ALDH1L1: variants seen among roughly 807,000 people sequenced by gnomAD.
The protein encoded by ALDH1L1 is cytosolic 10-formyltetrahydrofolate dehydrogenase.
In ALDH1L1, 68 loss-of-function variants were observed where a neutral mutation model predicts 101.1. The observed-to-expected ratio is 0.67, with a 90% confidence interval of 0.55 to 0.82. The LOEUF is 0.82. ALDH1L1 is among the 40% of genes least tolerant of loss of function. The pLI, the probability that ALDH1L1 is intolerant of heterozygous loss-of-function variation, is 0.00. For synonymous variants in ALDH1L1, 486 were observed against 470.8 expected (o/e 1.03, Z -0.42); for missense variants, 1,087 against 1,172.7 (o/e 0.93, Z 1.07).
intron 1 of ALDH1L1, among the ~76,000 whole-genome samples, chr3:126,196,586 A>G (rs542178290): frequency 3.3e-5 from 5 of 152,332 alleles, no homozygotes; most frequent in Admixed American, 2.0e-4. Flanking sequence ...AACTTTACCA[A>G]TGGTAACCTT....
intron 20 of ALDH1L1, among the ~76,000 whole-genome samples, chr3:126,107,484 C>T (rs1042269513): frequency 2.0e-5 from 3 of 152,334 alleles, no homozygotes; most frequent in Non-Finnish European, 2.9e-5. Flanking sequence ...AATGGGGCCG[C>T]CGGTTGGCAG....
intron 10 of ALDH1L1, among the ~76,000 whole-genome samples, chr3:126,137,601 C>G (rs1009255517): frequency 9.9e-5 from 15 of 152,198 alleles, no homozygotes; most frequent in Non-Finnish European, 2.9e-5. Context: ...ATGTCCTGAG[C>G]ATCAGACAGC....
chr3:126,129,492 TG>T (rs2080254483), intron 14 of ALDH1L1: 1 of 152,436 alleles, frequency 6.6e-6, no homozygotes, highest in Non-Finnish European at 1.5e-5. Flanking sequence ...GACCCAGGGC[TG>T]GGGCTCTCTA....
intron 1 of ALDH1L1, 95 bp from the exon 2 acceptor site, chr3:126,161,097 G>T: frequency 2.1e-6 from 3 of 1,423,742 alleles, no homozygotes; most frequent in Non-Finnish European, 2.8e-6. Context: ...CACCTGGCCT[G>T]CTCTACCCCA....
chr3:126,155,544 C>A (rs771970581), intron 4 of ALDH1L1, 41 bp from the exon 5 acceptor site: 2 of 1,566,394 alleles, frequency 1.3e-6, no homozygotes, highest in South Asian at 1.2e-5. Flanking sequence ...GCAATAGGAC[C>A]CTGCCTCCTT....
rs572315882 is a variant in ALDH1L1, at chr3:126,103,934, G to T, written c.2654-88C>A. On this transcript the variant is annotated intron_variant, in intron 22 of 22. Coordinates refer to ENST00000393434, the MANE Select transcript of ALDH1L1 (RefSeq NM_012190.4). The stretch of plus-strand genomic sequence containing the variant: ...AAGTGTCTTATTCCTCAGCAACCAC[G>T]TGGGGGCAGCTCTGGCTCACCCCAC... The T allele has an allele frequency of 2.1e-6, 3 of 1,460,838 alleles. No homozygotes were observed. The African/African-American group carries it at 4.2e-5, about 20-fold the overall frequency. 90.5% of individuals were successfully genotyped at this position (1,460,838 alleles called of 1,614,324 possible).
chr3:126,134,598 C>T (rs561857459), intron 12 of ALDH1L1, among the ~76,000 whole-genome samples: 239 of 152,350 alleles, frequency 1.6e-3, no homozygotes, highest in Non-Finnish European at 2.2e-3. Flanking sequence ...AATCTCCATT[C>T]GGTTTTGCAG....
chr3:126,131,620 G>T, intron 12 of ALDH1L1, 86 bp from the exon 13 acceptor site: 1 of 1,464,384 alleles, frequency 6.8e-7, no homozygotes, highest in South Asian at 1.3e-5. Flanking sequence ...CAAGGAGCTG[G>T]GGTCCTGCCC....
rs772581153 is a variant in ALDH1L1 at position 126,103,754 on chromosome 3, G to A, written c.*37C>T. On this transcript the variant is annotated 3_prime_UTR_variant, in exon 23 of 23. Transcript: ENST00000393434. ...AGAGGGAGGGGGCCCCAGCCACGAG[G>A]GAGGGGCAGGGACTTTCTTCTCACA... 1 of 1,608,300 alleles carries A rather than the reference G, an allele frequency of 6.2e-7. No homozygotes were observed. The highest frequency in any genetic ancestry group is 8.5e-7 in the Non-Finnish European group (1 of 1,176,824).
chr3:126,153,950 T>G (rs530628242), intron 6 of ALDH1L1, among the ~76,000 whole-genome samples: 1 of 152,212 alleles, frequency 6.6e-6, no homozygotes, highest in Admixed American at 6.5e-5. Flanking sequence ...GATCAGAAGA[T>G]GCATTTGCTA....
chr3:126,150,496 T>G lies in ALDH1L1; in HGVS notation c.894A>C (p.Lys298Asn), dbSNP rs183293658. 1.3e-6 allele frequency: 2 copies of G among 1,551,526 alleles called. No homozygotes were observed. Among genetic ancestry groups the G allele is most frequent in the East Asian group, 4.9e-5 (2 of 40,926 alleles). Reference sequence around the variant, plus strand: ...TAAAGAAGTTCGAGGCCAGGATCATTTTGCCATCCTCCAGCTGAATATTCT... The same window carrying G: ...TAAAGAAGTTCGAGGCCAGGATCATGTTGCCATCCTCCAGCTGAATATTCT... ...LVKNIQLEDG[K>N]MILASNFFKG... Residue 298 changes from lysine (K) to asparagine (N), a missense_variant, in exon 8 of 23, where the codon AAA becomes AAC. By Grantham distance (94) the Lys-to-Asn change is moderately conservative. Around this residue, in one of 2 missense-constraint regions of ALDH1L1, gnomAD observed 645 missense variants for 637.0 expected, o/e 1.01. Coordinates refer to ENST00000393434, the MANE Select transcript of ALDH1L1 (RefSeq NM_012190.4).
In ALDH1L1 at chr3:126,112,791, C is replaced by T. The variant is rs374663793; in HGVS notation, c.2172G>A (p.Val724=). The T allele has an allele frequency of 1.9e-6, 3 of 1,613,228 alleles. No individual in the cohort carries two copies. Among genetic ancestry groups the T allele is most frequent in the Non-Finnish European group, 2.5e-6 (3 of 1,179,982 alleles). ...FVEDSIHDEF[V]RRVVEEVRKM... Reference sequence around the variant, plus strand: ...CTGGGGCAGGACTTACCACTCTCCGCACGAACTCATCATGAATGGAGTCCT... The same window carrying T: ...CTGGGGCAGGACTTACCACTCTCCGTACGAACTCATCATGAATGGAGTCCT... Residue 724 remains valine, a synonymous_variant, in exon 19 of 23, where the codon GTG becomes GTA. Transcript: ENST00000393434.
intron 1 of ALDH1L1, among the ~76,000 whole-genome samples, chr3:126,192,122 G>C (rs1200092203): frequency 6.6e-6 from 1 of 152,186 alleles, no homozygotes; most frequent in Admixed American, 6.5e-5. Context: ...GGACAATCAA[G>C]TGTTAGAGTT....
At chr3:126,171,598 A>G (rs529549094) in intron 1 of ALDH1L1, among the ~76,000 whole-genome samples, 1 of 152,186 alleles carries the variant, frequency 6.6e-6, no homozygotes, top group Non-Finnish European at 1.5e-5. Context: ...TTCTCACAGT[A>G]AGGATTGGAG....
At chr3:126,184,694 G>T (rs994796869), upstream of ALDH1L1, among the ~76,000 whole-genome samples, 1 of 152,220 alleles carries the variant, frequency 6.6e-6, no homozygotes. Context: ...CTGGCTCAGG[G>T]CTCTGTGAAT....
intron 1 of ALDH1L1, among the ~76,000 whole-genome samples, chr3:126,195,280 C>T (rs1162023014): frequency 6.6e-6 from 1 of 151,966 alleles, no homozygotes. Context: ...TTTTTATTTC[C>T]CAAAGATTAC....
chr3:126,170,998 A>C (rs2081262839), intron 1 of ALDH1L1, among the ~76,000 whole-genome samples: 1 of 152,194 alleles, frequency 6.6e-6, no homozygotes, highest in South Asian at 2.1e-4. Context: ...TAAGACAGGA[A>C]AGCTAAAAGC....
chr3:126,161,113 C>T, intron 1 of ALDH1L1, 111 bp from the exon 2 acceptor site: 1 of 1,249,152 alleles, frequency 8.0e-7, no homozygotes, highest in African/African-American at 1.5e-5. Context: ...CCCCAGTCCC[C>T]TCTGTGGCTC....
At chr3:126,192,742 T>C (rs1017747752) in intron 1 of ALDH1L1, among the ~76,000 whole-genome samples, 2 of 152,182 alleles carry the variant, frequency 1.3e-5, no homozygotes, top group Admixed American at 6.5e-5. Context: ...ACCACAGAAA[T>C]GACCTTTCCA....
Sources: gnomAD v4.1 joint callset for allele counts (sites outside exome capture counted in the v4.1 genomes callset) on GRCh38, gnomAD v4.1.1 for gene constraint, gnomAD v4.1.1 regional missense constraint, MANE v1.5 for transcripts, NCBI Gene and HGNC (gene_info 2026-07-23, HGNC 2026-07-21) for gene names.